NAMPT: variants seen among roughly 807,000 people sequenced by gnomAD.
NAMPT encodes nicotinamide phosphoribosyltransferase.
A neutral mutation model predicts 58.7 loss-of-function variants in NAMPT; 7 were observed. The observed-to-expected ratio is 0.12, with a 90% confidence interval of 0.07 to 0.22. NAMPT has a LOEUF of 0.22. Ranked by LOEUF, NAMPT falls within the 10% of genes least tolerant of loss-of-function variation. The probability of loss-of-function intolerance (pLI) is 1.00; values close to 1 mark genes in which losing one functional copy is unlikely to be tolerated. For synonymous variants in NAMPT, 145 were observed against 198.1 expected (o/e 0.73, Z 2.25); for missense variants, 271 against 567.9 (o/e 0.48, Z 5.31).
intron 3 of NAMPT, among the ~76,000 whole-genome samples, chr7:106,273,562 A>G (rs1403732867): frequency 6.6e-6 from 1 of 152,212 alleles, no homozygotes; most frequent in Non-Finnish European, 1.5e-5. Context: ...TCTCGGTCTC[A>G]GATTCTGTTT....
intron 4 of NAMPT, 70 bp from the exon 5 acceptor site, chr7:106,269,382 C>CA: frequency 2.6e-6 from 3 of 1,152,796 alleles, no homozygotes; most frequent in Non-Finnish European, 3.6e-6. Context: ...AAAATCCTAG[C>CA]TTTTTTTTTT....
intron 4 of NAMPT, chr7:106,272,163 GT>G (rs1792547594): frequency 2.9e-6 from 1 of 341,588 alleles, no homozygotes; most frequent in Non-Finnish European, 5.8e-6. Flanking sequence ...AGTTCCTTTA[GT>G]CTAACTTGAA....
Position 106,283,961 on chromosome 7 carries a change from C to A in NAMPT, c.57+867G>T, listed in dbSNP as rs150853218. 2.5e-3 allele frequency among the ~76,000 whole-genome samples: 375 copies of A among 152,338 alleles called. 4 individuals carry two copies. Among genetic ancestry groups the A allele is most frequent in the African/African-American group, 8.6e-3 (356 of 41,584 alleles). ...TACCTCTTCCCTTCACTACTGCGTG[C>A]TTCATATCAACTGAATGTGGCAGCT... On this transcript the variant is annotated intron_variant, in intron 1 of 10. Transcript: ENST00000222553.
intron 10 of NAMPT, 67 bp downstream of exon 10, chr7:106,252,950 C>T (rs540259675): frequency 3.9e-6 from 6 of 1,540,112 alleles, no homozygotes; most frequent in African/African-American, 1.4e-5. Flanking sequence ...ATAAAAACCT[C>T]CTTTCTTATT....
intron 8 of NAMPT, among the ~76,000 whole-genome samples, chr7:106,260,551 T>C (rs951125703): frequency 2.6e-5 from 4 of 152,264 alleles, no homozygotes; most frequent in Non-Finnish European, 4.4e-5. Context: ...ACTTTGATTT[T>C]TCTTCAAGAA....
At chr7:106,280,488 A>G (rs1402704374) in intron 1 of NAMPT, among the ~76,000 whole-genome samples, 1 of 152,230 alleles carries the variant, frequency 6.6e-6, no homozygotes, top group Non-Finnish European at 1.5e-5. Context: ...TTCTATTACT[A>G]AAGAAAATGG....
chr7:106,262,736 CCT>C (rs914349443), intron 7 of NAMPT, among the ~76,000 whole-genome samples: 1 of 152,206 alleles, frequency 6.6e-6, no homozygotes, highest in Admixed American at 6.5e-5. Flanking sequence ...CCTTTTTAAG[CCT>C]CTGTTTTTTT....
chr7:106,248,723 C>A lies in NAMPT; in HGVS notation c.*2360G>T, dbSNP rs748480195. 1 of 151,994 alleles carries A rather than the reference C, an allele frequency of 6.6e-6. No individual in the cohort carries two copies. 9.4% of individuals were successfully genotyped at this position (151,994 alleles called of 1,614,324 possible). On this transcript the variant is annotated 3_prime_UTR_variant, in exon 11 of 11. Transcript: ENST00000222553. ...CAGTTGAAAATCTAATGACTTAAATCCATAAATGCCATTTGCTTTTGTCTG... is the reference window on the plus strand; with the variant it reads ...CAGTTGAAAATCTAATGACTTAAATACATAAATGCCATTTGCTTTTGTCTG...
intron 4 of NAMPT, 69 bp from the exon 5 acceptor site, chr7:106,269,381 GC>G: frequency 1.5e-6 from 2 of 1,310,102 alleles, no homozygotes; most frequent in Non-Finnish European, 2.1e-6. Flanking sequence ...GAAAATCCTA[GC>G]TTTTTTTTTT....
intron 8 of NAMPT, among the ~76,000 whole-genome samples, chr7:106,259,375 G>C: frequency 6.6e-6 from 1 of 152,190 alleles, no homozygotes; most frequent in East Asian, 1.9e-4. Context: ...GAAGCATGAT[G>C]TTCTTAAATG....
Position 106,277,078 on chromosome 7 carries a change from T to G in NAMPT, c.159A>C (p.Lys53Asn). 1 of 1,604,080 alleles carries G rather than the reference T, an allele frequency of 6.2e-7. No individual in the cohort carries two copies. The highest frequency in any genetic ancestry group is 8.5e-7 in the Non-Finnish European group (1 of 1,171,032). ...ACCCATAAAATACTGTTTCCTCATA[T>G]TTCACCTTCCTTAATTTGGAGTTTT... ...KTENSKLRKV[K>N]YEETVFYGLQ... Residue 53 changes from lysine (K) to asparagine (N), a missense_variant, in exon 2 of 11, where the codon AAA becomes AAC. Coordinates refer to ENST00000222553, the MANE Select transcript of NAMPT (RefSeq NM_005746.3).
chr7:106,277,254 T>A, intron 1 of NAMPT, 75 bp from the exon 2 acceptor site: 3 of 1,249,962 alleles, frequency 2.4e-6, no homozygotes, highest in Non-Finnish European at 3.4e-6. Context: ...AGGCTTGAAG[T>A]TATTTCAAAA....
At chr7:106,273,577 A>G (rs1792578185) in intron 3 of NAMPT, among the ~76,000 whole-genome samples, 1 of 152,180 alleles carries the variant, frequency 6.6e-6, no homozygotes, top group South Asian at 2.1e-4. Context: ...CTGTTTGTAA[A>G]ATGGGGTTAG....
upstream of NAMPT, chr7:106,285,672 T>C (rs993029408): frequency 8.5e-6 from 7 of 819,340 alleles, no homozygotes; most frequent in Non-Finnish European, 1.0e-5. Context: ...CCCTTTCATC[T>C]GATGCAGCGA....
At chr7:106,284,601 C>G (rs1213252008) in intron 1 of NAMPT, 1 of 310,508 alleles carries the variant, frequency 3.2e-6, no homozygotes, top group East Asian at 1.2e-4. Flanking sequence ...CCAGGCCCCG[C>G]CTCCACCGCC....
chr7:106,261,778 A>G, intron 7 of NAMPT, 71 bp from the exon 8 acceptor site: 1 of 1,479,290 alleles, frequency 6.8e-7, no homozygotes, highest in Non-Finnish European at 9.3e-7. Context: ...TTTCAAAGTT[A>G]AATGATTTTG....
chr7:106,257,462 A>C (rs1391872727), intron 8 of NAMPT, among the ~76,000 whole-genome samples: 1 of 93,448 alleles, frequency 1.1e-5, no homozygotes, highest in Non-Finnish European at 2.3e-5. Context: ...TCTACAAAAC[A>C]TTAAAAAAAA....
chr7:106,260,720 TG>T (rs1792287888), intron 8 of NAMPT, among the ~76,000 whole-genome samples: 1 of 152,204 alleles, frequency 6.6e-6, no homozygotes, highest in Non-Finnish European at 1.5e-5. Context: ...GAGGCCACTG[TG>T]GGGTTATTAA....
chr7:106,260,242 C>T (rs1365600335), intron 8 of NAMPT, among the ~76,000 whole-genome samples: 3 of 152,228 alleles, frequency 2.0e-5, no homozygotes, highest in Admixed American at 6.5e-5. Flanking sequence ...TTAGCTAGAT[C>T]TTCTGGGTAA....
Sources: allele counts gnomAD v4.1 joint callset (sites outside exome capture counted in the v4.1 genomes callset), GRCh38; gene constraint gnomAD v4.1.1; transcripts MANE v1.5; gene names NCBI Gene and HGNC (gene_info 2026-07-23, HGNC 2026-07-21).